The following VPS13B variants were observed in gnomAD, a reference collection of about 807,000 sequenced individuals.
The protein encoded by VPS13B is intermembrane lipid transfer protein VPS13B.
VPS13B carries 285 observed loss-of-function variants against 426.4 expected under a neutral mutation model. That is an observed-to-expected ratio of 0.67 (90% CI 0.61 to 0.74). The LOEUF is 0.74. Ranked by LOEUF, VPS13B falls within the 30% of genes least tolerant of loss-of-function variation. The pLI is 0.00. For missense variants in VPS13B, 4,537 were observed against 4,782.6 expected, an observed-to-expected ratio of 0.95 and a Z score of 1.51; for synonymous variants, 1,676 against 1,676.4, an observed-to-expected ratio of 1.00 and a Z score of 0.01.
intron 17 of VPS13B, among the ~76,000 whole-genome samples, chr8:99,244,791 C>G (rs1411794128): frequency 3.3e-5 from 5 of 152,070 alleles, no homozygotes; most frequent in Admixed American, 3.3e-4. Context: ...CATATAAGTG[C>G]CTACTCATTA....
chr8:99,717,836 T>C (rs1480749970), intron 37 of VPS13B, among the ~76,000 whole-genome samples: 4 of 152,242 alleles, frequency 2.6e-5, no homozygotes, highest in Admixed American at 2.0e-4. Flanking sequence ...GGTTCATCCA[T>C]GTTTACCAAG....
At position 99,876,772 on chromosome 8, in the gene VPS13B, G is replaced by A. The variant is rs1817719032; in HGVS notation, c.*1106G>A. On this transcript the variant is annotated 3_prime_UTR_variant, in exon 62 of 62. Coordinates refer to ENST00000357162, the MANE Select transcript of VPS13B (RefSeq NM_152564.5). Reference sequence around the variant, plus strand: ...GTAGCTTAGAGCATGTTTGCTGATTGATATTACATTTAAACTTGGGGCTAC... The same window carrying A: ...GTAGCTTAGAGCATGTTTGCTGATTAATATTACATTTAAACTTGGGGCTAC... The A allele has an allele frequency of 1.3e-5, 2 of 152,142 alleles. No homozygotes were observed. The highest frequency in any genetic ancestry group is 6.5e-5 in the Admixed American group (1 of 15,272). 9.4% of individuals were successfully genotyped at this position (152,142 alleles called of 1,614,324 possible). A position where few individuals can be genotyped will look rare whatever the true frequency, so the allele number is the denominator to read the frequency against.
intron 25 of VPS13B, among the ~76,000 whole-genome samples, chr8:99,482,513 C>A (rs538028112): frequency 6.6e-6 from 1 of 152,166 alleles, no homozygotes; most frequent in Admixed American, 6.5e-5. Flanking sequence ...GAAGACATAA[C>A]GGAATAGTCA....
intron 39 of VPS13B, among the ~76,000 whole-genome samples, chr8:99,748,361 T>C (rs1412230941): frequency 6.6e-6 from 1 of 152,060 alleles, no homozygotes; most frequent in Admixed American, 6.6e-5. Context: ...AAGGGTTGAT[T>C]TTGCAAGACT....
chr8:99,523,594 A>C (rs2133676235), intron 30 of VPS13B, among the ~76,000 whole-genome samples: 1 of 152,308 alleles, frequency 6.6e-6, no homozygotes, highest in East Asian at 1.9e-4. Context: ...TAATTCAGAC[A>C]ATTCTTCGGG....
At chr8:99,717,584 A>G (rs1265623747) in intron 37 of VPS13B, among the ~76,000 whole-genome samples, 1 of 152,168 alleles carries the variant, frequency 6.6e-6, no homozygotes, top group Admixed American at 6.5e-5. Context: ...GTTTTTTAGC[A>G]TATTCAGAGT....
chr8:99,840,340 C>T (rs1169808341), intron 54 of VPS13B, among the ~76,000 whole-genome samples: 2 of 152,202 alleles, frequency 1.3e-5, no homozygotes, highest in Non-Finnish European at 2.9e-5. Flanking sequence ...TTACATTTAT[C>T]CCAAATAAAT....
At chr8:99,727,990 C>G (rs1163709869) in intron 39 of VPS13B, among the ~76,000 whole-genome samples, 1 of 152,214 alleles carries the variant, frequency 6.6e-6, no homozygotes, top group Non-Finnish European at 1.5e-5. Flanking sequence ...AAATATCCTT[C>G]TAATAGTTTG....
chr8:99,850,925 TG>T (rs1816258266), intron 55 of VPS13B, among the ~76,000 whole-genome samples: 1 of 151,942 alleles, frequency 6.6e-6, no homozygotes, highest in Non-Finnish European at 1.5e-5. Context: ...GACTCCATCT[TG>T]GAAAAAAAAC....
chr8:99,456,978 G>C (rs1222374511), intron 23 of VPS13B, among the ~76,000 whole-genome samples: 1 of 151,180 alleles, frequency 6.6e-6, no homozygotes, highest in East Asian at 1.9e-4. Flanking sequence ...TTTGTTATAG[G>C]TCTATACAGA....
chr8:99,721,152 C>A, intron 39 of VPS13B, 105 bp downstream of exon 39: 1 of 1,186,022 alleles, frequency 8.4e-7, no homozygotes, highest in Non-Finnish European at 1.2e-6. Context: ...TTAATAGTAT[C>A]AGAGAGAAAT....
At chr8:99,192,047 C>A (rs1813628519) in intron 16 of VPS13B, among the ~76,000 whole-genome samples, 1 of 152,018 alleles carries the variant, frequency 6.6e-6, no homozygotes, top group Admixed American at 6.6e-5. Flanking sequence ...TTTTTTTAAT[C>A]TATTTTTGTT....
rs185723946 is a variant in VPS13B at position 99,037,176 on chromosome 8, A to G, written c.148-1247A>G. On this transcript the variant is annotated intron_variant, in intron 2 of 61. Transcript: ENST00000357162. ...GAACAATGCTTGAAGAAATTAATGC[A>G]TTTTAAAAATACTGTGATAATGACA... Among the ~76,000 whole-genome samples, 33 of 152,254 alleles carry G rather than the reference A, an allele frequency of 2.2e-4. No individual in the cohort carries two copies. In the East Asian group the frequency reaches 6.2e-3, roughly 28 times the overall value.
chr8:99,359,961 C>T (rs1159150737), intron 19 of VPS13B, among the ~76,000 whole-genome samples: 2 of 152,036 alleles, frequency 1.3e-5, no homozygotes, highest in Non-Finnish European at 2.9e-5. Flanking sequence ...TGGCACCATG[C>T]CCAGCTAACT....
Position 99,467,470 on chromosome 8 carries a change from G to C in VPS13B, c.3502G>C (p.Gly1168Arg), listed in dbSNP as rs749715658. The change falls in exon 24 of 62, where the codon GGA becomes CGA. Residue 1168 changes from glycine (G) to arginine (R), a missense_variant. Gly to Arg is a moderately radical substitution (Grantham distance 125). Coordinates refer to ENST00000357162, the MANE Select transcript of VPS13B (RefSeq NM_152564.5). ...TAATTTCAGCATATATACCCTTCTTGGAAAACAAGTGACACTTTGCCTAGT... is the reference window on the plus strand; with the variant it reads ...TAATTTCAGCATATATACCCTTCTTCGAAAACAAGTGACACTTTGCCTAGT... Reference protein sequence around the residue: ...LHNFSIYTLLGKQVTLCLVEP... With the variant: ...LHNFSIYTLLRKQVTLCLVEP... 5 of 1,613,658 alleles carry C rather than the reference G, an allele frequency of 3.1e-6. No homozygotes were observed. The highest frequency in any genetic ancestry group is 4.2e-6 in the Non-Finnish European group (5 of 1,179,774).
At chr8:99,845,662 A>T (rs981535627) in intron 54 of VPS13B, among the ~76,000 whole-genome samples, 2 of 152,222 alleles carry the variant, frequency 1.3e-5, no homozygotes, top group African/African-American at 4.8e-5. Context: ...CAATGTCAGT[A>T]TGGGAAGGTA....
rs545440988 is a variant in VPS13B at position 99,820,577 on chromosome 8, A to T, written c.8994+455A>T. Reference sequence around the variant, plus strand: ...CCTTTATAGGTGGACTTGGATGTTCATAATTATGGATGTCTACCCAGTTGA... The same window carrying T: ...CCTTTATAGGTGGACTTGGATGTTCTTAATTATGGATGTCTACCCAGTTGA... On this transcript the variant is annotated intron_variant, in intron 49 of 61. Coordinates refer to ENST00000357162, the MANE Select transcript of VPS13B (RefSeq NM_152564.5). Among the ~76,000 whole-genome samples the T allele has an allele frequency of 1.3e-4, 20 of 152,262 alleles. No homozygotes were observed. The South Asian group carries it at 3.5e-3, about 27-fold the overall frequency.
At chr8:99,236,746 A>G (rs893730243) in intron 17 of VPS13B, among the ~76,000 whole-genome samples, 2 of 152,226 alleles carry the variant, frequency 1.3e-5, no homozygotes, top group Non-Finnish European at 2.9e-5. Flanking sequence ...AATCACCTGG[A>G]TGTTTTTAAA....
chr8:99,079,704 A>G (rs935782721), intron 3 of VPS13B, among the ~76,000 whole-genome samples: 5 of 152,142 alleles, frequency 3.3e-5, no homozygotes, highest in East Asian at 1.9e-4. Flanking sequence ...CTGTTTGTCT[A>G]TAGTGAAATC....
Sources: allele counts gnomAD v4.1 joint callset (sites outside exome capture counted in the v4.1 genomes callset), GRCh38; gene constraint gnomAD v4.1.1; transcripts MANE v1.5; gene names NCBI Gene and HGNC (gene_info 2026-07-23, HGNC 2026-07-21).